KCNIP4: variants seen among roughly 807,000 people sequenced by gnomAD.
The protein encoded by KCNIP4 is Kv channel-interacting protein 4.
In KCNIP4, 12 loss-of-function variants were observed where a neutral mutation model predicts 34.0. The observed-to-expected ratio is 0.35, with a 90% CI of 0.23 to 0.57. The LOEUF (loss-of-function observed/expected upper bound fraction) is 0.57, where lower values mean the gene tolerates loss of function less well. Among genes scored for constraint, KCNIP4 ranks in the 20% least tolerant of loss-of-function variants. The pLI is 0.83. For missense variants in KCNIP4, 238 were observed against 311.7 expected (o/e 0.76, Z 1.78); for synonymous variants, 124 against 102.2 (o/e 1.21, Z -1.29).
At chr4:21,392,208 A>C (rs942186632) in intron 1 of KCNIP4, among the ~76,000 whole-genome samples, 25 of 152,234 alleles carry the variant, frequency 1.6e-4, no homozygotes. Flanking sequence ...GAGAATTAGA[A>C]CAAAACAATG....
chr4:21,771,017 A>C (rs7697406), intron 1 of KCNIP4, among the ~76,000 whole-genome samples: 22,727 of 152,106 alleles, frequency 0.15, 5,709 homozygotes, highest in African/African-American at 0.52. Flanking sequence ...GTCTTTGCCC[A>C]TGCCTGTGTC....
intron 1 of KCNIP4, among the ~76,000 whole-genome samples, chr4:20,989,346 A>G (rs918589908): frequency 1.1e-4 from 17 of 152,236 alleles, no homozygotes; most frequent in African/African-American, 3.6e-4. Flanking sequence ...TTGCAAATGC[A>G]TAAAAAGGAG....
chr4:21,343,617 T>C (rs13117744), intron 1 of KCNIP4, among the ~76,000 whole-genome samples: 5,179 of 152,254 alleles, frequency 0.034, 225 homozygotes, highest in East Asian at 0.2. Flanking sequence ...GCCCAGGGCA[T>C]TTCCCTAGAA....
intron 1 of KCNIP4, among the ~76,000 whole-genome samples, chr4:21,176,076 T>C (rs781072915): frequency 3.3e-5 from 5 of 152,234 alleles, no homozygotes; most frequent in Non-Finnish European, 2.9e-5. Context: ...CAATTTCTTT[T>C]ACACTGGCCC....
intron 1 of KCNIP4, among the ~76,000 whole-genome samples, chr4:21,387,286 C>A (rs1315513970): frequency 6.6e-6 from 1 of 152,026 alleles, no homozygotes; most frequent in Admixed American, 6.6e-5. Context: ...AAATAAGGAA[C>A]AATGATCAGT....
intron 1 of KCNIP4, among the ~76,000 whole-genome samples, chr4:21,350,580 A>C (rs1717908515): frequency 6.6e-6 from 1 of 152,252 alleles, no homozygotes; most frequent in South Asian, 2.1e-4. Flanking sequence ...TATTATGCCC[A>C]GTATAAATGG....
At chr4:21,842,926 T>G (rs1455620048) in intron 1 of KCNIP4, among the ~76,000 whole-genome samples, 2 of 152,134 alleles carry the variant, frequency 1.3e-5, no homozygotes, top group East Asian at 3.9e-4. Context: ...GATTTAGAGT[T>G]AATTCCTTGT....
chr4:21,654,522 C>T (rs1186140622), intron 1 of KCNIP4, among the ~76,000 whole-genome samples: 1 of 151,560 alleles, frequency 6.6e-6, no homozygotes. Flanking sequence ...CTAAAGATAC[C>T]TAAAGTTGTT....
intron 1 of KCNIP4, among the ~76,000 whole-genome samples, chr4:21,836,527 A>G (rs1325371400): frequency 6.6e-6 from 1 of 152,172 alleles, no homozygotes. Flanking sequence ...TTTCCAGAAA[A>G]AAAAATTGAA....
At chr4:20,805,018 A>G (rs895171436) in intron 3 of KCNIP4, among the ~76,000 whole-genome samples, 1 of 151,994 alleles carries the variant, frequency 6.6e-6, no homozygotes, top group Non-Finnish European at 1.5e-5. Context: ...AAGGGTTCTG[A>G]TTGGTCTGAT....
At chr4:21,914,397 CTGCTCTTTCTATA>C (rs1728514324) in intron 1 of KCNIP4, among the ~76,000 whole-genome samples, 1 of 152,018 alleles carries the variant, frequency 6.6e-6, no homozygotes, top group African/African-American at 2.4e-5. Flanking sequence ...CCCTTACAAC[CTGCTCTTTCTATA>C]TGCTCTGACC....
chr4:21,140,928 A>G lies in KCNIP4; in HGVS notation c.62-258219T>C, dbSNP rs539708179. On this transcript the variant is annotated intron_variant, in intron 1 of 8. Transcript: ENST00000382152. Reference sequence around the variant, plus strand: ...GTCTCCACCTCCGCTAGCATGCATTATCTGGGACAGTCACTTATTGCAGTT... The same window carrying G: ...GTCTCCACCTCCGCTAGCATGCATTGTCTGGGACAGTCACTTATTGCAGTT... Among the ~76,000 whole-genome samples the G allele has an allele frequency of 2.6e-5, 4 of 152,294 alleles. No individual in the cohort carries two copies. The South Asian group carries it at 6.2e-4, about 24-fold the overall frequency.
At chr4:21,624,178 T>G (rs1467760178) in intron 1 of KCNIP4, among the ~76,000 whole-genome samples, 2 of 152,104 alleles carry the variant, frequency 1.3e-5, no homozygotes, top group Non-Finnish European at 2.9e-5. Context: ...AACAGTGAAT[T>G]TGGGCAAGTG....
At chr4:20,829,358 C>A (rs1718148441) in intron 3 of KCNIP4, among the ~76,000 whole-genome samples, 1 of 152,112 alleles carries the variant, frequency 6.6e-6, no homozygotes, top group African/African-American at 2.4e-5. Context: ...TAGGCGCCTG[C>A]CACCATGCCT....
rs532609377 is a variant in KCNIP4, at chr4:20,930,018, A to T, written c.62-47309T>A. Among the ~76,000 whole-genome samples the T allele has an allele frequency of 8.5e-5, 13 of 152,160 alleles. No homozygotes were observed. In the East Asian group the frequency reaches 2.5e-3, roughly 29 times the overall value. The stretch of plus-strand genomic sequence containing the variant: ...TATGCATCACAGAAATAGAAAAAAA[A>T]TTCTTGAAATTCATATGGAACCACA... On this transcript the variant is annotated intron_variant, in intron 1 of 8. Coordinates refer to ENST00000382152, the MANE Select transcript of KCNIP4 (RefSeq NM_025221.6).
intron 1 of KCNIP4, among the ~76,000 whole-genome samples, chr4:21,611,966 C>T (rs1176821831): frequency 1.3e-5 from 2 of 152,160 alleles, no homozygotes; most frequent in African/African-American, 4.8e-5. Flanking sequence ...TCCCTTTTCT[C>T]AATGATTTAA....
intron 1 of KCNIP4, among the ~76,000 whole-genome samples, chr4:21,369,671 G>T (rs959732218): frequency 1.4e-5 from 2 of 147,076 alleles, no homozygotes; most frequent in Admixed American, 6.6e-5. Context: ...AGTAGTTGTA[G>T]CACTTACTTA....
Position 20,732,801 on chromosome 4 carries a change from C to A in KCNIP4, c.538-16G>T. The stretch of plus-strand genomic sequence containing the variant: ...CAAGCATTTCCTGAAAAATAAAAGG[C>A]ACTCACGTGAGGCTGCACACATGTA... On this transcript the variant is annotated splice_polypyrimidine_tract_variant and intron_variant, in intron 6 of 8. Transcript: ENST00000382152. The A allele has an allele frequency of 6.8e-7, 1 of 1,468,628 alleles. No homozygotes were observed. The highest frequency in any genetic ancestry group is 9.5e-7 in the Non-Finnish European group (1 of 1,049,162). The allele number at this position is 1,468,628 out of a possible 1,614,324, so 91.0% of individuals were successfully genotyped here. A position where few individuals can be genotyped will look rare whatever the true frequency, so the allele number is the denominator to read the frequency against.
At chr4:21,081,339 A>ACATT (rs565645424) in intron 1 of KCNIP4, among the ~76,000 whole-genome samples, 7 of 151,794 alleles carry the variant, frequency 4.6e-5, no homozygotes, top group Non-Finnish European at 1.0e-4. Flanking sequence ...TCTAAAATTA[A>ACATT]CATTCTTATT....
Sources: gnomAD v4.1 joint callset for allele counts (sites outside exome capture counted in the v4.1 genomes callset) on GRCh38, gnomAD v4.1.1 for gene constraint, MANE v1.5 for transcripts, NCBI Gene and HGNC (gene_info 2026-07-23, HGNC 2026-07-21) for gene names.